The following DCDC2 variants were observed in gnomAD, a reference collection of about 807,000 sequenced individuals.
The protein encoded by DCDC2 is doublecortin domain containing 2, also known as doublecortin domain-containing protein 2.
Under a neutral mutation model 50.2 loss-of-function variants are expected in DCDC2, and 40 were observed. The ratio of observed to expected loss-of-function variants is 0.80; its 90% CI spans 0.62 to 1.04. DCDC2 has a LOEUF of 1.04. DCDC2 is among the 50% of genes least tolerant of loss of function. DCDC2 has a pLI of 0.00. For synonymous variants in DCDC2, 234 were observed against 210.6 expected, an observed-to-expected ratio of 1.11 and a Z score of -0.96; for missense variants, 570 against 581.9, an observed-to-expected ratio of 0.98 and a Z score of 0.21.
intron 9 of DCDC2, among the ~76,000 whole-genome samples, chr6:24,177,610 T>C (rs1760953396): frequency 6.6e-6 from 1 of 152,160 alleles, no homozygotes; most frequent in African/African-American, 2.4e-5. Context: ...GAGACTCAAC[T>C]TGAGCCTGGC....
At chr6:24,205,185 A>AT (rs767221007) in intron 7 of DCDC2, 83 bp from the exon 8 acceptor site, 8 of 1,613,856 alleles carry the variant, frequency 5.0e-6, no homozygotes, top group South Asian at 1.1e-5. Flanking sequence ...TCAAATGCTT[A>AT]TTTTTAATAG....
chr6:24,302,718 G>A (rs537560227), intron 2 of DCDC2, among the ~76,000 whole-genome samples: 1 of 152,090 alleles, frequency 6.6e-6, no homozygotes, highest in South Asian at 2.1e-4. Flanking sequence ...GCCCTCACCT[G>A]AGACCAGCTT....
Position 24,290,933 on chromosome 6 carries a change from C to G in DCDC2, c.703G>C (p.Gly235Arg). The G allele has an allele frequency of 1.2e-6, 2 of 1,613,034 alleles. No homozygotes were observed. The highest frequency in any genetic ancestry group is 1.7e-6 in the Non-Finnish European group (2 of 1,179,748). The change falls in exon 5 of 10, where the codon GGT becomes CGT. Residue 235 changes from glycine (G) to arginine (R), a missense_variant and splice_region_variant. By Grantham distance (125) the Gly-to-Arg change is moderately radical. Transcript: ENST00000378454. The part of the protein sequence containing the change: ...FDKSTMRRPF[G>R]QKASSLPPIV... ...GGAGTGGTAAGGAGTAAGACTTACC[C>G]AAAAGGCCTTCTCATCGTTGACTTG...
intron 2 of DCDC2, among the ~76,000 whole-genome samples, chr6:24,316,431 A>G (rs1172614848): frequency 8.5e-5 from 13 of 152,122 alleles, no homozygotes; most frequent in Admixed American, 3.3e-4. Flanking sequence ...TTCAGAAGCT[A>G]AGAGAGAAGG....
chr6:24,343,711 T>G (rs1253707866), intron 2 of DCDC2, among the ~76,000 whole-genome samples: 1 of 152,236 alleles, frequency 6.6e-6, no homozygotes, highest in African/African-American at 2.4e-5. Context: ...TCATGCAATA[T>G]AAGAACAAGC....
chr6:24,217,239 T>C (rs1441962373), intron 7 of DCDC2, among the ~76,000 whole-genome samples: 1 of 152,114 alleles, frequency 6.6e-6, no homozygotes, highest in African/African-American at 2.4e-5. Context: ...TCTCTAAATA[T>C]TTACTTCCAA....
chr6:24,185,724 C>CAG (rs1761188670), intron 8 of DCDC2, among the ~76,000 whole-genome samples: 1 of 139,916 alleles, frequency 7.1e-6, no homozygotes. Flanking sequence ...CACACACACA[C>CAG]ACATATACAC....
chr6:24,206,254 C>T (rs908821836), intron 7 of DCDC2, among the ~76,000 whole-genome samples: 1 of 152,060 alleles, frequency 6.6e-6, no homozygotes, highest in Admixed American at 6.6e-5. Flanking sequence ...TCTCAAGTTG[C>T]TTCCAGTCCA....
In DCDC2 at chr6:24,301,765, T is replaced by C; in HGVS notation, c.507A>G (p.Val169=). Residue 169 remains valine, a synonymous_variant, in exon 4 of 10, where the codon GTA becomes GTG. Transcript: ENST00000378454. ...PRKTLNQWDH[V]LQMVTEKITL... ...TGATTTTTTCTGTGACCATTTGTAG[T>C]ACATGATCCCACTGATTCAAGGTTT... 6.2e-7 allele frequency: 1 copy of C among 1,614,170 alleles called. No individual in the cohort carries two copies.
chr6:24,299,050 C>T (rs368023504), intron 4 of DCDC2, among the ~76,000 whole-genome samples: 62 of 152,266 alleles, frequency 4.1e-4, no homozygotes, highest in Middle Eastern at 3.4e-3. Context: ...CGTTCACTGC[C>T]GTGCTATTCA....
intron 6 of DCDC2, 148 bp downstream of exon 6, chr6:24,288,704 T>G (rs1763671998): frequency 1.4e-6 from 1 of 691,820 alleles, no homozygotes; most frequent in African/African-American, 1.8e-5. Context: ...AGTGTAACAT[T>G]AAAGTTCTAG....
chr6:24,356,478 G>T (rs1333822064), intron 1 of DCDC2, among the ~76,000 whole-genome samples: 5 of 152,110 alleles, frequency 3.3e-5, no homozygotes. Flanking sequence ...TGGTGGTGAT[G>T]GTTGCACAAC....
chr6:24,210,545 C>A (rs1392595333), intron 7 of DCDC2, among the ~76,000 whole-genome samples: 2 of 152,198 alleles, frequency 1.3e-5, no homozygotes, highest in Non-Finnish European at 2.9e-5. Context: ...TCAATTCAAT[C>A]TCCTTTTAAA....
At chr6:24,284,027 T>G (rs1763536680) in intron 6 of DCDC2, among the ~76,000 whole-genome samples, 1 of 152,226 alleles carries the variant, frequency 6.6e-6, no homozygotes, top group Non-Finnish European at 1.5e-5. Context: ...TATTGTGCAT[T>G]TGTTTCTGGA....
chr6:24,343,329 G>A lies in DCDC2; in HGVS notation c.348+10240C>T, dbSNP rs1034569658. 1.3e-4 allele frequency among the ~76,000 whole-genome samples: 20 copies of A among 152,052 alleles called. 1 individual carries two copies. In the East Asian group the frequency reaches 3.3e-3, roughly 25 times the overall value. On this transcript the variant is annotated intron_variant, in intron 2 of 9. Coordinates refer to ENST00000378454, the MANE Select transcript of DCDC2 (RefSeq NM_016356.5). ...CTCCCAAAGTGCTGGGATTACAGGCGTCAGCCACCGTGCCCCGCCTAAATA... is the reference window on the plus strand; with the variant it reads ...CTCCCAAAGTGCTGGGATTACAGGCATCAGCCACCGTGCCCCGCCTAAATA...
At chr6:24,273,409 C>T (rs1763282700) in intron 7 of DCDC2, among the ~76,000 whole-genome samples, 1 of 152,162 alleles carries the variant, frequency 6.6e-6, no homozygotes, top group African/African-American at 2.4e-5. Context: ...CAAAATTGCA[C>T]TTGTATCCCT....
chr6:24,244,720 G>T (rs1434299826), intron 7 of DCDC2, among the ~76,000 whole-genome samples: 1 of 152,168 alleles, frequency 6.6e-6, no homozygotes, highest in East Asian at 1.9e-4. Context: ...GGGTGCCCAA[G>T]CCTGACTTTC....
rs925094277 is a variant in DCDC2, at chr6:24,173,830, T to G, written c.*900A>C. ...CAAACTCTTCATATAGTCTACTTTT[T>G]TCTTCCTAATACACTTTTATTTTTG... On this transcript the variant is annotated 3_prime_UTR_variant, in exon 10 of 10. Coordinates refer to ENST00000378454, the MANE Select transcript of DCDC2 (RefSeq NM_016356.5). 6.6e-6 allele frequency: 1 copy of G among 152,218 alleles called. No homozygotes were observed. Among genetic ancestry groups the G allele is most frequent in the Non-Finnish European group, 1.5e-5 (1 of 68,034 alleles). The allele number at this position is 152,218 out of a possible 1,614,324, so 9.4% of individuals were successfully genotyped here. A position where few individuals can be genotyped will look rare whatever the true frequency, so the allele number is the denominator to read the frequency against.
chr6:24,301,987 G>A lies in DCDC2; in HGVS notation c.406C>T (p.Gln136Ter). ...NVSARFRKPL[Q>*]EPCTIFLIAN... ...ACTTACAAGATAGTGCACGGCTCCT[G>A]AAGCGGTTTTCTAAAGCGAGCTGAC... is the stretch of plus-strand genomic sequence containing the variant. The change falls in exon 3 of 10, where the codon CAG (glutamine) becomes TAG (stop). Residue 136 changes from glutamine (Q) to a stop codon, truncating the protein, a stop_gained. Transcript: ENST00000378454. LOFTEE classifies it high-confidence loss of function. 2 of 1,614,042 alleles carry A rather than the reference G, an allele frequency of 1.2e-6. No individual in the cohort carries two copies. Among genetic ancestry groups the A allele is most frequent in the Non-Finnish European group, 1.7e-6 (2 of 1,179,984 alleles).
Sources: gnomAD v4.1 joint callset for allele counts (sites outside exome capture counted in the v4.1 genomes callset) on GRCh38, gnomAD v4.1.1 for gene constraint, MANE v1.5 for transcripts, NCBI Gene and HGNC (gene_info 2026-07-23, HGNC 2026-07-21) for gene names.